Variants in CFDP1 observed in about 807,000 individuals in gnomAD.
CFDP1 encodes the protein heterochromatin-stabilizing protein CFDP1.
In CFDP1, 31 loss-of-function variants were observed where a neutral mutation model predicts 40.1. The ratio of observed to expected loss-of-function variants is 0.77; its 90% confidence interval spans 0.58 to 1.04. The LOEUF is 1.04. CFDP1 is among the 50% of genes least tolerant of loss of function. CFDP1 has a pLI of 0.00. For missense variants in CFDP1, 423 were observed against 343.4 expected, an observed-to-expected ratio of 1.23 and a Z score of -1.83; for synonymous variants, 167 against 120.0, an observed-to-expected ratio of 1.39 and a Z score of -2.56.
intron 1 of CFDP1, among the ~76,000 whole-genome samples, chr16:75,418,692 A>G (rs969080777): frequency 6.6e-6 from 1 of 151,488 alleles, no homozygotes; most frequent in Non-Finnish European, 1.5e-5. Context: ...AAGCATCTCT[A>G]AAGTTCAAAG....
intron 2 of CFDP1, among the ~76,000 whole-genome samples, chr16:75,413,502 G>C (rs1354769943): frequency 7.1e-6 from 1 of 141,834 alleles, no homozygotes; most frequent in Non-Finnish European, 1.5e-5. Context: ...GCATTGAGCA[G>C]AGATCACGCC....
At chr16:75,400,078 GCAA>G (rs1238380373) in intron 4 of CFDP1, among the ~76,000 whole-genome samples, 2 of 130,100 alleles carry the variant, frequency 1.5e-5, no homozygotes, top group African/African-American at 6.1e-5. Context: ...TCCAGCCTGG[GCAA>G]CAAGAGCAAA....
chr16:75,350,888 C>G (rs1343350073), intron 5 of CFDP1, among the ~76,000 whole-genome samples: 1 of 151,928 alleles, frequency 6.6e-6, no homozygotes, highest in African/African-American at 2.4e-5. Context: ...ATAAATGAAC[C>G]TAATGTGTCC....
At chr16:75,373,808 C>A (rs1397762369) in intron 5 of CFDP1, among the ~76,000 whole-genome samples, 1 of 152,128 alleles carries the variant, frequency 6.6e-6, no homozygotes, top group Non-Finnish European at 1.5e-5. Context: ...ATTTACTAAT[C>A]CTAATTGTAA....
At chr16:75,416,233 A>G (rs1408260999) in intron 1 of CFDP1, among the ~76,000 whole-genome samples, 1 of 152,182 alleles carries the variant, frequency 6.6e-6, no homozygotes, top group Non-Finnish European at 1.5e-5. Context: ...ATGAAAGGCA[A>G]GATTCAAGAC....
intron 5 of CFDP1, 160 bp from the exon 6 acceptor site, chr16:75,305,342 G>C: frequency 7.6e-6 from 5 of 660,658 alleles, no homozygotes; most frequent in Non-Finnish European, 1.3e-5. Context: ...GGAGAGCACT[G>C]TAAGTAAACT....
chr16:75,294,424 T>C (rs2151495762), intron 6 of CFDP1, among the ~76,000 whole-genome samples: 1 of 152,278 alleles, frequency 6.6e-6, no homozygotes, highest in Non-Finnish European at 1.5e-5. Flanking sequence ...TACAGCAGCA[T>C]GGTGATGCTG....
chr16:75,310,272 G>A (rs1423064731), intron 5 of CFDP1, among the ~76,000 whole-genome samples: 1 of 152,180 alleles, frequency 6.6e-6, no homozygotes. Context: ...ACTGGTGAAA[G>A]AGACACTTAT....
chr16:75,305,012 A>T lies in CFDP1; in HGVS notation c.809+12T>A. 1 of 1,584,078 alleles carries T rather than the reference A, an allele frequency of 6.3e-7. No individual in the cohort carries two copies. The highest frequency in any genetic ancestry group is 8.7e-7 in the Non-Finnish European group (1 of 1,153,482). On this transcript the variant is annotated intron_variant, in intron 6 of 6. Coordinates refer to ENST00000283882, the MANE Select transcript of CFDP1 (RefSeq NM_006324.3). ...GAGGATTTTCCAAGGCATAAAACCT[A>T]CTCCTTCTTACCCCTCTTTCCCTCG...
chr16:75,362,296 C>T (rs1018082713), intron 5 of CFDP1, among the ~76,000 whole-genome samples: 7 of 152,110 alleles, frequency 4.6e-5, no homozygotes, highest in Non-Finnish European at 7.4e-5. Context: ...GGTAGAAAGG[C>T]GGGGCCCAGC....
intron 5 of CFDP1, among the ~76,000 whole-genome samples, chr16:75,336,552 C>G (rs1427867212): frequency 6.6e-6 from 1 of 152,266 alleles, no homozygotes; most frequent in African/African-American, 2.4e-5. Flanking sequence ...CCCTCTTTAA[C>G]AACTTAAATG....
intron 5 of CFDP1, among the ~76,000 whole-genome samples, chr16:75,346,291 G>A (rs1201300133): frequency 1.3e-5 from 2 of 152,092 alleles, no homozygotes; most frequent in African/African-American, 2.4e-5. Flanking sequence ...AGTGTAAAGA[G>A]CACCAGGTAG....
intron 5 of CFDP1, among the ~76,000 whole-genome samples, chr16:75,320,152 C>G (rs1175438118): frequency 6.6e-6 from 1 of 152,180 alleles, no homozygotes; most frequent in African/African-American, 2.4e-5. Flanking sequence ...GCTAAAACAG[C>G]CTTTTCATTC....
intron 5 of CFDP1, among the ~76,000 whole-genome samples, chr16:75,331,327 G>C (rs2078444517): frequency 6.6e-6 from 1 of 152,094 alleles, no homozygotes; most frequent in Non-Finnish European, 1.5e-5. Flanking sequence ...ATGTTGCCCA[G>C]GCTGGTCTCA....
chr16:75,302,902 G>GT (rs916018051), intron 6 of CFDP1, among the ~76,000 whole-genome samples: 15 of 150,704 alleles, frequency 1.0e-4, no homozygotes, highest in South Asian at 2.1e-4. Flanking sequence ...TGTTTAAAAT[G>GT]TTTTTTTTTA....
At chr16:75,351,117 T>A (rs1161400414) in intron 5 of CFDP1, among the ~76,000 whole-genome samples, 1 of 152,118 alleles carries the variant, frequency 6.6e-6, no homozygotes, top group African/African-American at 2.4e-5. Flanking sequence ...TTATATGACA[T>A]CTCATCATTC....
chr16:75,411,501 A>G (rs570292903), intron 4 of CFDP1, among the ~76,000 whole-genome samples: 1 of 152,326 alleles, frequency 6.6e-6, no homozygotes, highest in African/African-American at 2.4e-5. Flanking sequence ...CTCATATTGC[A>G]GTCAAGGAGA....
chr16:75,338,846 G>C (rs549783536), intron 5 of CFDP1, among the ~76,000 whole-genome samples: 12 of 152,216 alleles, frequency 7.9e-5, no homozygotes, highest in South Asian at 2.1e-4. Flanking sequence ...TCAGAACTCT[G>C]AATATGTTAC....
chr16:75,306,516 G>T (rs990219522), intron 5 of CFDP1: 3 of 152,188 alleles, frequency 2.0e-5, no homozygotes, highest in Non-Finnish European at 4.4e-5. Context: ...CCCTGTTTGG[G>T]TCACACCCCA....
Sources: allele counts gnomAD v4.1 joint callset (sites outside exome capture counted in the v4.1 genomes callset), GRCh38; gene constraint gnomAD v4.1.1; transcripts MANE v1.5; gene names NCBI Gene and HGNC (gene_info 2026-07-23, HGNC 2026-07-21).